The following MARCHF6 variants were observed in gnomAD, a reference collection of about 807,000 sequenced individuals.
The protein encoded by MARCHF6 is membrane associated ring-CH-type finger 6, also known as E3 ubiquitin-protein ligase MARCHF6.
A neutral mutation model predicts 133.7 loss-of-function variants in MARCHF6; 31 were observed. The observed-to-expected ratio is 0.23, with a 90% CI of 0.17 to 0.31. The LOEUF is 0.31. Among genes scored for constraint, MARCHF6 ranks in the 10% least tolerant of loss-of-function variants. MARCHF6 has a pLI of 1.00. For synonymous variants in MARCHF6, 395 were observed against 402.5 expected, an observed-to-expected ratio of 0.98 and a Z score of 0.22; for missense variants, 723 against 1,121.6, an observed-to-expected ratio of 0.64 and a Z score of 5.08.
At chr5:10,366,307 A>G (rs1579524896) in intron 1 of MARCHF6, among the ~76,000 whole-genome samples, 3 of 152,324 alleles carry the variant, frequency 2.0e-5, no homozygotes, top group East Asian at 3.9e-4. Flanking sequence ...ATTTTGGGCT[A>G]TATAGGTTAT....
intron 4 of MARCHF6, among the ~76,000 whole-genome samples, chr5:10,384,850 A>G (rs1429348460): frequency 1.3e-5 from 2 of 152,238 alleles, no homozygotes; most frequent in African/African-American, 4.8e-5. Context: ...TCTTGGGAAT[A>G]TAACTAACAG....
intron 1 of MARCHF6, among the ~76,000 whole-genome samples, chr5:10,374,531 G>C (rs1415990031): frequency 6.6e-6 from 1 of 152,146 alleles, no homozygotes; most frequent in African/African-American, 2.4e-5. Context: ...GTTCTATTTT[G>C]TTTGTGTTGG....
At chr5:10,380,141 T>C (rs777679512) in intron 3 of MARCHF6, among the ~76,000 whole-genome samples, 1 of 146,580 alleles carries the variant, frequency 6.8e-6, no homozygotes, top group Non-Finnish European at 1.5e-5. Context: ...TTACAAAGGA[T>C]TTTTGTGTTT....
intron 3 of MARCHF6, among the ~76,000 whole-genome samples, chr5:10,380,049 A>G (rs539403634): frequency 1.3e-5 from 2 of 152,146 alleles, no homozygotes; most frequent in Admixed American, 6.5e-5. Context: ...TTTTATCTCA[A>G]ATAAGTAGAG....
chr5:10,431,969 G>A lies in MARCHF6; in HGVS notation c.2643-1625G>A, dbSNP rs111771588. On this transcript the variant is annotated intron_variant, in intron 25 of 25. Coordinates refer to ENST00000274140, the MANE Select transcript of MARCHF6 (RefSeq NM_005885.4). ...AGTTTTAAAATCAGTGGTTGGTTGG[G>A]GAACAGTGGGGTAAGGAATGGCTAA... 6.9e-3 allele frequency among the ~76,000 whole-genome samples: 1,046 copies of A among 152,188 alleles called. 5 individuals carry two copies. Among genetic ancestry groups the A allele is most frequent in the Admixed American group, 0.012 (180 of 15,284 alleles).
chr5:10,430,115 CA>C, intron 25 of MARCHF6, 87 bp downstream of exon 25: 1 of 1,435,898 alleles, frequency 7.0e-7, no homozygotes. Flanking sequence ...AGGAGGGAAA[CA>C]TGCTCAGATT....
chr5:10,375,838 A>G (rs1226266134), intron 1 of MARCHF6, among the ~76,000 whole-genome samples: 3 of 151,982 alleles, frequency 2.0e-5, no homozygotes, highest in African/African-American at 7.3e-5. Context: ...TTGTAAACAC[A>G]CCAATCAGCA....
intron 1 of MARCHF6, among the ~76,000 whole-genome samples, chr5:10,356,205 C>T (rs1177008052): frequency 9.3e-5 from 14 of 151,224 alleles, no homozygotes; most frequent in Non-Finnish European, 4.4e-5. Context: ...TTAAAAAATG[C>T]GACTTAGGTT....
intron 25 of MARCHF6, among the ~76,000 whole-genome samples, chr5:10,430,742 G>T (rs1425370692): frequency 6.6e-6 from 1 of 152,192 alleles, no homozygotes; most frequent in African/African-American, 2.4e-5. Flanking sequence ...AGCCCCTCTT[G>T]CTTATAGAGG....
At chr5:10,383,013 A>G (rs182064333) in intron 4 of MARCHF6, among the ~76,000 whole-genome samples, 2 of 152,260 alleles carry the variant, frequency 1.3e-5, no homozygotes, top group Admixed American at 1.3e-4. Context: ...TACATAGTAT[A>G]TGGGAGGCAG....
intron 4 of MARCHF6, among the ~76,000 whole-genome samples, chr5:10,383,660 GT>G (rs1211552128): frequency 2.0e-5 from 3 of 152,292 alleles, no homozygotes; most frequent in Non-Finnish European, 2.9e-5. Context: ...GGATTGGAAA[GT>G]TTACTACCTT....
At chr5:10,377,127 A>C (rs1652593412) in intron 1 of MARCHF6, among the ~76,000 whole-genome samples, 1 of 152,064 alleles carries the variant, frequency 6.6e-6, no homozygotes, top group African/African-American at 2.4e-5. Flanking sequence ...ATGCCCCTAG[A>C]GTCTTGTAGT....
chr5:10,376,336 G>T (rs1367487604), intron 1 of MARCHF6, among the ~76,000 whole-genome samples: 1 of 151,568 alleles, frequency 6.6e-6, no homozygotes, highest in Non-Finnish European at 1.5e-5. Flanking sequence ...CACCGCGAGG[G>T]TCTGCAGCTT....
rs1370099312 is a variant in MARCHF6 at position 10,431,632 on chromosome 5, T to A, written c.2642+1604T>A. The stretch of plus-strand genomic sequence containing the variant: ...GAGGTGCTAAGAGTGAGTGAGTGTG[T>A]GTGTGTGTGTGTGTGTGTGAGAGTG... On this transcript the variant is annotated intron_variant, in intron 25 of 25. Coordinates refer to ENST00000274140, the MANE Select transcript of MARCHF6 (RefSeq NM_005885.4). Among the ~76,000 whole-genome samples the A allele has an allele frequency of 6.0e-5, 9 of 149,676 alleles. No homozygotes were observed. In the East Asian group the frequency reaches 1.7e-3, roughly 29 times the overall value.
At chr5:10,418,247 G>A (rs1739628951) in intron 22 of MARCHF6, among the ~76,000 whole-genome samples, 1 of 152,048 alleles carries the variant, frequency 6.6e-6, no homozygotes, top group African/African-American at 2.4e-5. Context: ...AAGCGTGGTG[G>A]TGTGGGCATG....
Position 10,435,273 on chromosome 5 carries a change from CAT to C in MARCHF6, c.*1592_*1593del, listed in dbSNP as rs1046091571. The C allele has an allele frequency of 2.0e-5, 3 of 152,162 alleles. No individual in the cohort carries two copies. Among genetic ancestry groups the C allele is most frequent in the African/African-American group, 7.3e-5 (3 of 41,290 alleles). The allele number at this position is 152,162 out of a possible 1,614,324, so 9.4% of individuals were successfully genotyped here. Reference sequence around the variant, plus strand: ...TAAGTGGTAAGCAATTACTTTAAAACATATTTTTAAAAACATCGGTATCGGGA... The same window carrying C: ...TAAGTGGTAAGCAATTACTTTAAAACATTTTTAAAAACATCGGTATCGGGA... On this transcript the variant is annotated 3_prime_UTR_variant, in exon 26 of 26. Coordinates refer to ENST00000274140, the MANE Select transcript of MARCHF6 (RefSeq NM_005885.4).
chr5:10,400,054 A>G lies in MARCHF6; in HGVS notation c.914-730A>G, dbSNP rs141626984. On this transcript the variant is annotated intron_variant, in intron 10 of 25. Transcript: ENST00000274140. ...TGGTCACACTGTGCCTATTAATAGT[A>G]TATGTGAGGAGCTGAGATACATGAT... Among the ~76,000 whole-genome samples, 12 of 152,282 alleles carry G rather than the reference A, an allele frequency of 7.9e-5. No homozygotes were observed. In the East Asian group the frequency reaches 2.1e-3, roughly 27 times the overall value.
At chr5:10,370,092 A>T (rs148073616) in intron 1 of MARCHF6, among the ~76,000 whole-genome samples, 76 of 64,878 alleles carry the variant, frequency 1.2e-3, no homozygotes, top group Admixed American at 2.4e-3. Flanking sequence ...TCTTACTGTG[A>T]TTTTTTTTTT....
chr5:10,398,868 A>G (rs1309033712), intron 10 of MARCHF6, among the ~76,000 whole-genome samples: 1 of 152,166 alleles, frequency 6.6e-6, no homozygotes, highest in Non-Finnish European at 1.5e-5. Context: ...TTCCATTAGG[A>G]ACATACTTTT....
Sources: gnomAD v4.1 joint callset for allele counts (sites outside exome capture counted in the v4.1 genomes callset) on GRCh38, gnomAD v4.1.1 for gene constraint, MANE v1.5 for transcripts, NCBI Gene and HGNC (gene_info 2026-07-23, HGNC 2026-07-21) for gene names.